Variants in GRIA1 observed in about 807,000 individuals in gnomAD.
GRIA1 encodes glutamate receptor 1.
A neutral mutation model predicts 99.2 loss-of-function variants in GRIA1; 31 were observed. The observed-to-expected ratio is 0.31, with a 90% CI of 0.23 to 0.42. GRIA1 has a LOEUF of 0.42. Among genes scored for constraint, GRIA1 ranks in the 10% least tolerant of loss-of-function variants. GRIA1 has a pLI of 1.00. For missense variants in GRIA1, 782 were observed against 1,157.5 expected, an observed-to-expected ratio of 0.68 and a Z score of 4.71; for synonymous variants, 438 against 432.4, an observed-to-expected ratio of 1.01 and a Z score of -0.16.
chr5:153,712,532 C>T (rs990498548), intron 11 of GRIA1, among the ~76,000 whole-genome samples: 1 of 152,192 alleles, frequency 6.6e-6, no homozygotes, highest in Non-Finnish European at 1.5e-5. Flanking sequence ...CCCTCCTGCT[C>T]TCTGTCCTCC....
intron 2 of GRIA1, among the ~76,000 whole-genome samples, chr5:153,522,690 G>T (rs940217175): frequency 2.6e-5 from 4 of 152,066 alleles, no homozygotes; most frequent in African/African-American, 9.7e-5. Flanking sequence ...CCACACCCTG[G>T]CTCTAAAGCC....
intron 2 of GRIA1, among the ~76,000 whole-genome samples, chr5:153,545,263 G>T (rs1235474596): frequency 6.6e-6 from 1 of 152,198 alleles, no homozygotes; most frequent in Non-Finnish European, 1.5e-5. Flanking sequence ...GAGAACGACA[G>T]TTATGATAGT....
chr5:153,561,005 G>A (rs1266415056), intron 2 of GRIA1, among the ~76,000 whole-genome samples: 1 of 152,174 alleles, frequency 6.6e-6, no homozygotes, highest in Non-Finnish European at 1.5e-5. Context: ...GTTGATTCCT[G>A]TATTTATGTA....
At chr5:153,764,269 GTC>G (rs998503067) in intron 11 of GRIA1, among the ~76,000 whole-genome samples, 163 bp from the exon 12 acceptor site, 3 of 152,170 alleles carry the variant, frequency 2.0e-5, no homozygotes, top group African/African-American at 7.2e-5. Flanking sequence ...AAAATATGGA[GTC>G]TCTCTAACAA....
intron 11 of GRIA1, among the ~76,000 whole-genome samples, chr5:153,746,648 T>G (rs1187910716): frequency 3.9e-5 from 6 of 152,078 alleles, no homozygotes; most frequent in Non-Finnish European, 5.9e-5. Flanking sequence ...GATCAGCAGA[T>G]AGTAAGAGCT....
chr5:153,537,509 C>T (rs1758692652), intron 2 of GRIA1, among the ~76,000 whole-genome samples: 1 of 152,172 alleles, frequency 6.6e-6, no homozygotes, highest in Non-Finnish European at 1.5e-5. Context: ...CTGCCTGGGT[C>T]CCTTTCTGCG....
intron 2 of GRIA1, among the ~76,000 whole-genome samples, chr5:153,621,177 T>C (rs1231187247): frequency 6.6e-6 from 1 of 152,220 alleles, no homozygotes; most frequent in African/African-American, 2.4e-5. Flanking sequence ...TAAAGCTTTC[T>C]TGAGAGGCTT....
chr5:153,572,348 A>G (rs1762182950), intron 2 of GRIA1, among the ~76,000 whole-genome samples: 1 of 152,178 alleles, frequency 6.6e-6, no homozygotes, highest in Non-Finnish European at 1.5e-5. Flanking sequence ...GTACACCATC[A>G]AGAAAGGTGT....
intron 2 of GRIA1, among the ~76,000 whole-genome samples, chr5:153,609,657 G>A (rs374098831): frequency 1.3e-5 from 2 of 148,738 alleles, no homozygotes; most frequent in Non-Finnish European, 3.0e-5. Context: ...TCCACCTTCC[G>A]GGTTCAGGTC....
At position 153,691,380 on chromosome 5, in the gene GRIA1, C is replaced by T. The variant is rs559032502; in HGVS notation, c.1134+5051C>T. 6.6e-5 allele frequency among the ~76,000 whole-genome samples: 10 copies of T among 152,208 alleles called. No homozygotes were observed. The East Asian group carries it at 1.4e-3, about 21-fold the overall frequency. The stretch of plus-strand genomic sequence containing the variant: ...GAAGAACTGGTATTGTTGATTTAAC[C>T]GTCTTTTCCCATCACCATTGTTCCT... On this transcript the variant is annotated intron_variant, in intron 8 of 15. Transcript: ENST00000285900.
At chr5:153,597,137 C>T (rs1764503499) in intron 2 of GRIA1, among the ~76,000 whole-genome samples, 1 of 152,216 alleles carries the variant, frequency 6.6e-6, no homozygotes, top group African/African-American at 2.4e-5. Context: ...CGGTTTTGAA[C>T]ATTTCAGCTC....
chr5:153,509,982 A>T (rs1755903309), intron 2 of GRIA1, among the ~76,000 whole-genome samples: 1 of 152,174 alleles, frequency 6.6e-6, no homozygotes, highest in Non-Finnish European at 1.5e-5. Context: ...TAGTAAGGAG[A>T]TCTCTAGATC....
At chr5:153,513,454 G>T (rs947444352) in intron 2 of GRIA1, among the ~76,000 whole-genome samples, 1 of 152,162 alleles carries the variant, frequency 6.6e-6, no homozygotes, top group African/African-American at 2.4e-5. Context: ...GGAGATGCAC[G>T]GGGTATTTGG....
In GRIA1 at chr5:153,633,871, T is replaced by C. The variant is rs918523; in HGVS notation, c.221-13057T>C. ...AGTGCCTCCCATGTGCCAGGCACTG[T>C]GGTAGATGCTAGGACAATAGTGATA... On this transcript the variant is annotated intron_variant, in intron 2 of 15. Coordinates refer to ENST00000285900, the MANE Select transcript of GRIA1 (RefSeq NM_000827.4). Among the ~76,000 whole-genome samples, 1,292 of 152,270 alleles carry C rather than the reference T, an allele frequency of 8.5e-3. 14 individuals are homozygous for C. The highest frequency in any genetic ancestry group is 0.014 in the Non-Finnish European group (954 of 68,024).
At chr5:153,745,609 A>G (rs996629521) in intron 11 of GRIA1, among the ~76,000 whole-genome samples, 6 of 147,476 alleles carry the variant, frequency 4.1e-5, no homozygotes, top group South Asian at 2.2e-4. Context: ...AAAAAAAAAA[A>G]AAAGAAAAGA....
chr5:153,623,498 C>T (rs1475998236), intron 2 of GRIA1, among the ~76,000 whole-genome samples: 2 of 152,146 alleles, frequency 1.3e-5, no homozygotes, highest in Admixed American at 6.5e-5. Flanking sequence ...AATAAAGTTT[C>T]CTGTCAAAAG....
chr5:153,681,803 A>G (rs1315615663), intron 7 of GRIA1, among the ~76,000 whole-genome samples: 1 of 152,136 alleles, frequency 6.6e-6, no homozygotes, highest in East Asian at 1.9e-4. Context: ...TGGGAGGCTG[A>G]GGTGGGCAGA....
intron 2 of GRIA1, among the ~76,000 whole-genome samples, chr5:153,572,843 C>G (rs13189836): frequency 0.13 from 20,033 of 152,186 alleles, 1,496 homozygotes; most frequent in South Asian, 0.25. Context: ...CTTGAATTTT[C>G]ATTGGCTCTA....
intron 13 of GRIA1, among the ~76,000 whole-genome samples, chr5:153,790,515 C>A (rs1765232756): frequency 2.0e-5 from 3 of 152,224 alleles, no homozygotes; most frequent in Middle Eastern, 6.8e-3. Context: ...TAGAACAGCA[C>A]CTTCCAAACA....
Sources: allele counts gnomAD v4.1 joint callset (sites outside exome capture counted in the v4.1 genomes callset), GRCh38; gene constraint gnomAD v4.1.1; transcripts MANE v1.5; gene names NCBI Gene and HGNC (gene_info 2026-07-23, HGNC 2026-07-21).